COP1: variants seen among roughly 807,000 people sequenced by gnomAD.
The protein encoded by COP1 is E3 ubiquitin-protein ligase COP1.
COP1 carries 24 observed loss-of-function variants against 101.3 expected under a neutral mutation model. The observed-to-expected ratio is 0.24, with a 90% CI of 0.17 to 0.33. The LOEUF is 0.33. Ranked by LOEUF, COP1 falls within the 10% of genes least tolerant of loss-of-function variation. The pLI is 1.00. For synonymous variants in COP1, 347 were observed against 341.9 expected (o/e 1.01, Z -0.17); for missense variants, 663 against 906.2 (o/e 0.73, Z 3.45).
chr1:176,119,651 C>A (rs1686781364), intron 8 of COP1, among the ~76,000 whole-genome samples: 1 of 151,976 alleles, frequency 6.6e-6, no homozygotes, highest in Admixed American at 6.6e-5. Flanking sequence ...TACACACACA[C>A]ACACACACAC....
chr1:176,034,451 C>T (rs188326572), intron 14 of COP1, among the ~76,000 whole-genome samples: 168 of 152,226 alleles, frequency 1.1e-3, no homozygotes, highest in Non-Finnish European at 1.8e-3. Context: ...ATGAAAAAGG[C>T]GAATCCCCAT....
Position 176,206,724 on chromosome 1 carries a change from G to A in COP1, c.255C>T (p.Gly85=). ...TGGCCGCGCAGCTGTGCCGGGACAG[G>A]CCCGTGGACACCGCCCCGCCGCCGC... ...SGSGGGAVST[G]LSRHSCAARP... The change falls in exon 1 of 20, where the codon GGC becomes GGT. Residue 85 remains glycine, a synonymous_variant. Transcript: ENST00000367669. The A allele has an allele frequency of 6.3e-7, 1 of 1,579,868 alleles. No homozygotes were observed.
At chr1:175,974,908 C>T (rs1654130015) in intron 18 of COP1, among the ~76,000 whole-genome samples, 1 of 124,430 alleles carries the variant, frequency 8.0e-6, no homozygotes, top group African/African-American at 3.0e-5. Flanking sequence ...AGGTGACAGA[C>T]CAAGACCCTG....
Position 175,987,070 on chromosome 1 carries a change from T to C in COP1, c.2006A>G (p.Lys669Arg). The C allele has an allele frequency of 6.4e-7, 1 of 1,565,032 alleles. No individual in the cohort carries two copies. Among genetic ancestry groups the C allele is most frequent in the South Asian group, 1.1e-5 (1 of 88,382 alleles). The change falls in exon 18 of 20, where the codon AAA becomes AGA. Residue 669 changes from lysine (K) to arginine (R), a missense_variant. This residue lies in a region of COP1 where 209 missense variants were observed against 383.3 expected (regional missense o/e 0.55). Coordinates refer to ENST00000367669, the MANE Select transcript of COP1 (RefSeq NM_022457.7). Reference protein sequence around the residue: ...SENNSLYLYYKGLSKTLLTFK... With the variant: ...SENNSLYLYYRGLSKTLLTFK... Reference sequence around the variant, plus strand: ...AGTTAGCAAAGTCTTAGAAAGTCCTTTATAGTACAGGTAGAGAGAGTTATT... The same window carrying C: ...AGTTAGCAAAGTCTTAGAAAGTCCTCTATAGTACAGGTAGAGAGAGTTATT...
At chr1:176,068,809 C>T (rs1157204678) in intron 11 of COP1, among the ~76,000 whole-genome samples, 2 of 152,130 alleles carry the variant, frequency 1.3e-5, no homozygotes, top group Non-Finnish European at 2.9e-5. Flanking sequence ...TATTTTTCTT[C>T]CACGTTTTAT....
At chr1:175,989,193 G>T in intron 16 of COP1, 169 bp downstream of exon 16, 1 of 468,042 alleles carries the variant, frequency 2.1e-6, no homozygotes. Flanking sequence ...ATACAGACCA[G>T]AAACCACACT....
intron 10 of COP1, among the ~76,000 whole-genome samples, chr1:176,083,200 A>T (rs1679506624): frequency 6.6e-6 from 1 of 152,190 alleles, no homozygotes; most frequent in South Asian, 2.1e-4. Flanking sequence ...CATTCTACAT[A>T]CTGGAAAGAT....
At chr1:176,029,069 G>A (rs1035775884) in intron 14 of COP1, among the ~76,000 whole-genome samples, 19 of 151,978 alleles carry the variant, frequency 1.3e-4, no homozygotes, top group Non-Finnish European at 1.0e-4. Flanking sequence ...TTCGTTAAAT[G>A]TGTGTGCATA....
At chr1:176,071,131 C>G (rs1336582890) in intron 11 of COP1, among the ~76,000 whole-genome samples, 3 of 152,178 alleles carry the variant, frequency 2.0e-5, no homozygotes, top group Non-Finnish European at 4.4e-5. Context: ...GTGACTGAAT[C>G]ATGGAGATGA....
intron 15 of COP1, among the ~76,000 whole-genome samples, chr1:175,995,038 A>G (rs1022471630): frequency 6.6e-6 from 1 of 152,178 alleles, no homozygotes; most frequent in African/African-American, 2.4e-5. Flanking sequence ...AAATTATAAC[A>G]AACTGTCTCT....
chr1:176,172,541 T>C (rs1388507421), intron 3 of COP1, among the ~76,000 whole-genome samples: 1 of 152,164 alleles, frequency 6.6e-6, no homozygotes, highest in East Asian at 1.9e-4. Flanking sequence ...TCTTAACCTA[T>C]CAATTAAGTA....
At position 176,189,384 on chromosome 1, in the gene COP1, C is replaced by CT. The variant is rs371702745; in HGVS notation, c.408-4693dup. Among the ~76,000 whole-genome samples the CT allele has an allele frequency of 8.8e-3, 1,337 of 151,512 alleles. 18 individuals are homozygous for CT. The highest frequency in any genetic ancestry group is 0.03 in the African/African-American group (1,246 of 41,322). On this transcript the variant is annotated intron_variant, in intron 1 of 19. Coordinates refer to ENST00000367669, the MANE Select transcript of COP1 (RefSeq NM_022457.7). ...TGTTTCTAGGGACAGTATTATGTTTCTTTTTCCGTTGGGAATTCTTTGTTT... is the reference window on the plus strand; with the variant it reads ...TGTTTCTAGGGACAGTATTATGTTTCTTTTTTCCGTTGGGAATTCTTTGTTT...
intron 2 of COP1, 32 bp downstream of exon 2, chr1:176,184,601 A>G (rs1232232356): frequency 6.5e-7 from 1 of 1,527,214 alleles, no homozygotes; most frequent in African/African-American, 1.4e-5. Flanking sequence ...TAAAATGTTA[A>G]AAGATTATTT....
rs180905672 is a variant in COP1, at chr1:176,040,725, C to A, written c.1612+2461G>T. On this transcript the variant is annotated intron_variant, in intron 14 of 19. Transcript: ENST00000367669. ...GGGCAGTCCACTCTTGTTTGTTTCC[C>A]TTTTTACAGAATAGACTGTGCTCCA... 1.4e-4 allele frequency among the ~76,000 whole-genome samples: 21 copies of A among 152,230 alleles called. No individual in the cohort carries two copies. In the East Asian group the frequency reaches 4.0e-3, roughly 29 times the overall value.
intron 11 of COP1, among the ~76,000 whole-genome samples, chr1:176,062,136 G>A (rs888819554): frequency 6.6e-6 from 1 of 152,104 alleles, no homozygotes; most frequent in African/African-American, 2.4e-5. Flanking sequence ...GAGTAGCTGG[G>A]ACTACAGGCG....
chr1:176,000,487 G>T lies in COP1; in HGVS notation c.1730-11008C>A, dbSNP rs147526246. On this transcript the variant is annotated intron_variant, in intron 15 of 19. Coordinates refer to ENST00000367669, the MANE Select transcript of COP1 (RefSeq NM_022457.7). The stretch of plus-strand genomic sequence containing the variant: ...CACTGTAAACATGTGAGTAATGTCT[G>T]CACTATGAAGTTATAATGGCTATGA... 6.3e-3 allele frequency among the ~76,000 whole-genome samples: 957 copies of T among 152,070 alleles called. 11 individuals are homozygous for T. Among genetic ancestry groups the T allele is most frequent in the African/African-American group, 0.022 (906 of 41,510 alleles).
At chr1:176,047,723 T>A (rs1210499784) in intron 11 of COP1, among the ~76,000 whole-genome samples, 1 of 152,192 alleles carries the variant, frequency 6.6e-6, no homozygotes, top group Non-Finnish European at 1.5e-5. Context: ...AGTTAATGAT[T>A]AATGATTTAT....
At chr1:175,975,154 G>GT (rs1361106588) in intron 18 of COP1, among the ~76,000 whole-genome samples, 3 of 152,048 alleles carry the variant, frequency 2.0e-5, no homozygotes, top group Admixed American at 6.6e-5. Flanking sequence ...GCAAATCTCT[G>GT]TATCTAAAAT....
At chr1:176,105,958 T>C (rs927899558) in intron 9 of COP1, among the ~76,000 whole-genome samples, 2 of 152,222 alleles carry the variant, frequency 1.3e-5, no homozygotes, top group African/African-American at 2.4e-5. Flanking sequence ...CTCCAAGCTG[T>C]CCTTGTTCAT....
Sources: allele counts gnomAD v4.1 joint callset (sites outside exome capture counted in the v4.1 genomes callset), GRCh38; gene constraint gnomAD v4.1.1; regional missense constraint gnomAD v4.1.1; transcripts MANE v1.5; gene names NCBI Gene and HGNC (gene_info 2026-07-23, HGNC 2026-07-21).